Variants in PCDHA13 observed in about 807,000 individuals in gnomAD.
PCDHA13 encodes the protein protocadherin alpha 13, also known as protocadherin alpha-13.
PCDHA13 carries 54 observed loss-of-function variants against 64.8 expected under a neutral mutation model. The observed-to-expected ratio is 0.83, with a 90% CI of 0.67 to 1.04. The LOEUF is 1.04. Among genes scored for constraint, PCDHA13 ranks in the 50% least tolerant of loss-of-function variants. PCDHA13 has a pLI of 0.00. For synonymous variants in PCDHA13, 587 were observed against 564.4 expected, an observed-to-expected ratio of 1.04 and a Z score of -0.57; for missense variants, 1,248 against 1,254.3, an observed-to-expected ratio of 0.99 and a Z score of 0.08.
At chr5:140,937,198 C>T (rs2091402998) in intron 1 of PCDHA13, among the ~76,000 whole-genome samples, 1 of 151,908 alleles carries the variant, frequency 6.6e-6, no homozygotes, top group Non-Finnish European at 1.5e-5. Context: ...CCACCATGCC[C>T]GGCTAATTTT....
chr5:140,911,605 T>C (rs2075559169), intron 1 of PCDHA13, among the ~76,000 whole-genome samples: 1 of 152,224 alleles, frequency 6.6e-6, no homozygotes, highest in Non-Finnish European at 1.5e-5. Context: ...AACTTCATTA[T>C]GTTCCTTAGT....
intron 1 of PCDHA13, among the ~76,000 whole-genome samples, chr5:140,938,344 G>A (rs569264531): frequency 6.6e-6 from 1 of 152,264 alleles, no homozygotes; most frequent in Non-Finnish European, 1.5e-5. Context: ...GGATAATCTT[G>A]TCTTATTCCT....
chr5:140,930,747 CAT>C (rs2087070106), intron 1 of PCDHA13, among the ~76,000 whole-genome samples: 1 of 152,116 alleles, frequency 6.6e-6, no homozygotes, highest in Non-Finnish European at 1.5e-5. Context: ...AATAAATTTA[CAT>C]ATGTTAAAAT....
intron 1 of PCDHA13, among the ~76,000 whole-genome samples, chr5:140,886,622 C>T (rs1483241958): frequency 6.6e-6 from 1 of 151,430 alleles, no homozygotes; most frequent in Non-Finnish European, 1.5e-5. Context: ...GATCAGGAGT[C>T]CGAGACCAGC....
rs1554217734 is a variant in PCDHA13, at chr5:140,946,611, AATATATAT to A, written c.2395-32324_2395-32317del. Among the ~76,000 whole-genome samples, 24 of 86,806 alleles carry A rather than the reference AATATATAT, an allele frequency of 2.8e-4. 1 individual carries two copies. Among genetic ancestry groups the A allele is most frequent in the African/African-American group, 1.5e-3 (23 of 15,698 alleles). 56.9% of individuals were successfully genotyped at this position (86,806 alleles called of 152,430 possible). On this transcript the variant is annotated intron_variant, in intron 1 of 3. Coordinates refer to ENST00000289272, the MANE Select transcript of PCDHA13 (RefSeq NM_018904.3). ...GGATGAATAGATAAAGAAAATGTGA[AATATATAT>A]ATATATATATATACAATGGAATACT... is the stretch of plus-strand genomic sequence containing the variant.
chr5:140,922,177 A>G (rs1194396252), intron 1 of PCDHA13, among the ~76,000 whole-genome samples: 1 of 69,034 alleles, frequency 1.4e-5, no homozygotes, highest in Non-Finnish European at 3.3e-5. Context: ...TACAGCAGAC[A>G]AAAAAAAAGT....
intron 1 of PCDHA13, among the ~76,000 whole-genome samples, chr5:140,977,960 A>G (rs760810328): frequency 9.2e-5 from 14 of 152,142 alleles, no homozygotes; most frequent in Non-Finnish European, 1.3e-4. Flanking sequence ...GGCCACCTCA[A>G]TCTCCGCCCA....
chr5:140,915,164 G>A (rs782783727), intron 1 of PCDHA13, among the ~76,000 whole-genome samples: 27 of 152,144 alleles, frequency 1.8e-4, no homozygotes, highest in African/African-American at 5.3e-4. Flanking sequence ...GGCCAGGATA[G>A]TCTCGATCTC....
chr5:141,008,766 A>G (rs2098390228), intron 3 of PCDHA13, among the ~76,000 whole-genome samples: 1 of 152,246 alleles, frequency 6.6e-6, no homozygotes, highest in Non-Finnish European at 1.5e-5. Context: ...TTTGGCTTGG[A>G]AAGTAAAATT....
chr5:140,910,944 C>A (rs1177154353), intron 1 of PCDHA13, among the ~76,000 whole-genome samples: 1 of 152,146 alleles, frequency 6.6e-6, no homozygotes, highest in Non-Finnish European at 1.5e-5. Flanking sequence ...TCAAGCAGTT[C>A]TTTTCGAGTG....
At chr5:140,945,628 A>G (rs898111170) in intron 1 of PCDHA13, among the ~76,000 whole-genome samples, 1 of 152,168 alleles carries the variant, frequency 6.6e-6, no homozygotes, top group Non-Finnish European at 1.5e-5. Flanking sequence ...TACTGGCATA[A>G]AAGACATGTA....
chr5:140,907,582 G>A (rs978225789), intron 1 of PCDHA13, among the ~76,000 whole-genome samples: 1 of 152,190 alleles, frequency 6.6e-6, no homozygotes, highest in Admixed American at 6.5e-5. Flanking sequence ...CAGGTAGCTG[G>A]CTGATCACCC....
intron 3 of PCDHA13, among the ~76,000 whole-genome samples, chr5:141,000,343 C>G (rs1410684542): frequency 1.7e-5 from 2 of 116,202 alleles, no homozygotes; most frequent in Admixed American, 9.0e-5. Context: ...GGCCCTATCT[C>G]TCTCTCTGTC....
intron 1 of PCDHA13, chr5:140,928,490 CT>C: frequency 1.2e-6 from 2 of 1,614,150 alleles, no homozygotes; most frequent in Non-Finnish European, 1.7e-6. Context: ...GGTGGCATTC[CT>C]CCCAGAAGTG....
At chr5:140,981,186 T>G (rs1307228709) in intron 2 of PCDHA13, among the ~76,000 whole-genome samples, 1 of 152,234 alleles carries the variant, frequency 6.6e-6, no homozygotes, top group Non-Finnish European at 1.5e-5. Flanking sequence ...AGTTCAAGTT[T>G]GCCTGCTCTG....
chr5:140,906,963 G>A (rs150934602), intron 1 of PCDHA13, among the ~76,000 whole-genome samples: 2 of 152,098 alleles, frequency 1.3e-5, no homozygotes, highest in South Asian at 2.1e-4. Flanking sequence ...TAATGGAATC[G>A]TGGTTGTGTC....
chr5:140,900,381 G>A lies in PCDHA13; in HGVS notation c.2394+15719G>A, dbSNP rs149167159. 1.2e-4 allele frequency among the ~76,000 whole-genome samples: 19 copies of A among 152,024 alleles called. 1 individual carries two copies. The East Asian group carries it at 2.1e-3, about 17-fold the overall frequency. ...CAACCTCTGCCTCCTGGGTTCAAGC[G>A]ATTCTCCTGCCTCAGCCTCCCAAGT... is the stretch of plus-strand genomic sequence containing the variant. On this transcript the variant is annotated intron_variant, in intron 1 of 3. Transcript: ENST00000289272.
chr5:140,966,075 T>C (rs1164431515), intron 1 of PCDHA13: 1 of 153,402 alleles, frequency 6.5e-6, no homozygotes, highest in Non-Finnish European at 1.4e-5. Context: ...CCCTGCGTTG[T>C]TTCCTTTTAA....
rs782636217 is a variant in PCDHA13 at position 140,928,409 on chromosome 5, C to T, written c.2394+43747C>T. The T allele has an allele frequency of 1.9e-6, 3 of 1,614,030 alleles. No individual in the cohort carries two copies. The Admixed American group carries it at 5.0e-5, about 27-fold the overall frequency. On this transcript the variant is annotated intron_variant, in intron 1 of 3. Coordinates refer to ENST00000289272, the MANE Select transcript of PCDHA13 (RefSeq NM_018904.3). ...CTGGCAGTGGAATCATCCAGTGGGG[C>T]CATCACTGCCAAAACTTCCTTTGAC...
Sources: gnomAD v4.1 joint callset for allele counts (sites outside exome capture counted in the v4.1 genomes callset) on GRCh38, gnomAD v4.1.1 for gene constraint, MANE v1.5 for transcripts, NCBI Gene and HGNC (gene_info 2026-07-23, HGNC 2026-07-21) for gene names.